MVB12B: variants seen among roughly 807,000 people sequenced by gnomAD.
MVB12B encodes multivesicular body subunit 12B, also known as ESCRT-I complex subunit MVB12B.
Under a neutral mutation model 41.6 loss-of-function variants are expected in MVB12B, and 16 were observed. The ratio of observed to expected loss-of-function variants is 0.38; its 90% CI spans 0.26 to 0.58. MVB12B has a LOEUF of 0.58. Among genes scored for constraint, MVB12B ranks in the 20% least tolerant of loss-of-function variants. The pLI is 0.62. For synonymous variants in MVB12B, 133 were observed against 139.7 expected, an observed-to-expected ratio of 0.95 and a Z score of 0.34; for missense variants, 274 against 380.2, an observed-to-expected ratio of 0.72 and a Z score of 2.32.
At chr9:126,484,058 G>A in intron 9 of MVB12B, 26 bp downstream of exon 9, 1 of 1,608,796 alleles carries the variant, frequency 6.2e-7, no homozygotes, top group Non-Finnish European at 8.5e-7. Flanking sequence ...GGGGAGGGGA[G>A]GGCAGGCCTG....
intron 2 of MVB12B, among the ~76,000 whole-genome samples, chr9:126,347,225 C>T (rs150024916): frequency 4.9e-4 from 74 of 152,308 alleles, no homozygotes; most frequent in Non-Finnish European, 7.1e-4. Flanking sequence ...AGAGGGGCAC[C>T]GGGTCATGTT....
chr9:126,502,110 A>G (rs144748028), intron 9 of MVB12B, among the ~76,000 whole-genome samples: 150 of 152,330 alleles, frequency 9.8e-4, no homozygotes, highest in Non-Finnish European at 1.7e-3. Context: ...AACTTTTCAA[A>G]TAAATACTTC....
At chr9:126,358,890 C>T (rs769842665) in intron 2 of MVB12B, among the ~76,000 whole-genome samples, 59 of 152,076 alleles carry the variant, frequency 3.9e-4, no homozygotes, top group Non-Finnish European at 6.9e-4. Flanking sequence ...GGAAAGCATT[C>T]GGTGTTTCAC....
intron 7 of MVB12B, among the ~76,000 whole-genome samples, chr9:126,474,100 G>A (rs1833376150): frequency 6.6e-6 from 1 of 152,178 alleles, no homozygotes; most frequent in Non-Finnish European, 1.5e-5. Flanking sequence ...GGTTGTGAGT[G>A]CAGACTGGTC....
In MVB12B at chr9:126,381,269, A is replaced by G. The variant is rs541514880; in HGVS notation, c.312+98A>G. 4 of 829,118 alleles carry G rather than the reference A, an allele frequency of 4.8e-6. No individual in the cohort carries two copies. The East Asian group carries it at 1.1e-4, about 22-fold the overall frequency. 51.4% of individuals were successfully genotyped at this position (829,118 alleles called of 1,614,324 possible). ...TTTGTTGTTGTTGTGGTTTATTTTC[A>G]TTGCCATATTAATTTATCTGTGGTT... On this transcript the variant is annotated intron_variant, in intron 3 of 9. Coordinates refer to ENST00000361171, the MANE Select transcript of MVB12B (RefSeq NM_033446.3).
chr9:126,415,818 GC>G (rs1342134628), intron 6 of MVB12B, among the ~76,000 whole-genome samples: 1 of 152,164 alleles, frequency 6.6e-6, no homozygotes, highest in African/African-American at 2.4e-5. Context: ...AAGTCAGACA[GC>G]CCGATAGAGT....
In MVB12B at chr9:126,455,913, C is replaced by T. The variant is rs186333163; in HGVS notation, c.758-25456C>T. On this transcript the variant is annotated intron_variant, in intron 7 of 9. Coordinates refer to ENST00000361171, the MANE Select transcript of MVB12B (RefSeq NM_033446.3). ...TTTTTTTTTTTTTTTTTTTTTGAGA[C>T]GGAGTCTTGCTCTTTTGCCCAGGCT... Among the ~76,000 whole-genome samples, 170 of 99,656 alleles carry T rather than the reference C, an allele frequency of 1.7e-3. 4 individuals carry two copies. The East Asian group carries it at 0.02, about 12-fold the overall frequency. 65.4% of individuals were successfully genotyped at this position (99,656 alleles called of 152,430 possible).
At chr9:126,440,597 G>A (rs1051927005) in intron 7 of MVB12B, among the ~76,000 whole-genome samples, 3 of 152,080 alleles carry the variant, frequency 2.0e-5, no homozygotes, top group African/African-American at 4.8e-5. Context: ...CCTCACACGC[G>A]TGAAACAGTT....
At chr9:126,327,768 C>T (rs67125625) in intron 1 of MVB12B, among the ~76,000 whole-genome samples, 7,682 of 152,276 alleles carry the variant, frequency 0.05, 274 homozygotes, top group South Asian at 0.13. Context: ...GCCCTTCTCA[C>T]CATGAAAGAT....
In MVB12B at chr9:126,376,613, G is replaced by C. The variant is rs1210750624; in HGVS notation, c.205-4451G>C. 7.8e-7 allele frequency: 1 copy of C among 1,289,396 alleles called. No homozygotes were observed. Among genetic ancestry groups the C allele is most frequent in the South Asian group, 1.2e-5 (1 of 81,026 alleles). 79.9% of individuals were successfully genotyped at this position (1,289,396 alleles called of 1,614,324 possible). A position where few individuals can be genotyped will look rare whatever the true frequency, so the allele number is the denominator to read the frequency against. On this transcript the variant is annotated intron_variant, in intron 2 of 9. Coordinates refer to ENST00000361171, the MANE Select transcript of MVB12B (RefSeq NM_033446.3). This position sits in a 1 kb window ranked among gnomAD's most constrained non-coding sequence, Gnocchi z 4.1. ...TGTCCAGTGTTCAGGGGAGGCGGCT[G>C]GAAGCAAGAAGGAGGGTAAGCGCGG... is the stretch of plus-strand genomic sequence containing the variant.
intron 9 of MVB12B, among the ~76,000 whole-genome samples, chr9:126,500,504 C>A (rs550022720): frequency 6.6e-6 from 1 of 152,228 alleles, no homozygotes; most frequent in East Asian, 1.9e-4. Flanking sequence ...TCGTAGAATT[C>A]TCTAAACTGA....
intron 7 of MVB12B, among the ~76,000 whole-genome samples, chr9:126,469,996 T>C (rs1444494518): frequency 6.6e-6 from 1 of 152,262 alleles, no homozygotes; most frequent in African/African-American, 2.4e-5. Context: ...TGGACTGCTA[T>C]GATGTTTAAA....
chr9:126,469,664 G>T (rs1339373242), intron 7 of MVB12B, among the ~76,000 whole-genome samples: 8 of 152,200 alleles, frequency 5.3e-5, no homozygotes, highest in African/African-American at 1.9e-4. Context: ...GCTACTAGTG[G>T]TAACGTATCT....
At chr9:126,398,610 T>G (rs1404581788) in intron 6 of MVB12B, among the ~76,000 whole-genome samples, 1 of 152,238 alleles carries the variant, frequency 6.6e-6, no homozygotes, top group Non-Finnish European at 1.5e-5. Context: ...CCACGTCCAG[T>G]GCGGTCTTTG....
intron 7 of MVB12B, among the ~76,000 whole-genome samples, chr9:126,456,305 G>A (rs898077004): frequency 2.0e-5 from 3 of 152,044 alleles, no homozygotes; most frequent in Non-Finnish European, 4.4e-5. Context: ...TAGCTCTTTC[G>A]CACACGATTT....
chr9:126,487,785 A>T (rs988176734), intron 9 of MVB12B, among the ~76,000 whole-genome samples: 1 of 150,702 alleles, frequency 6.6e-6, no homozygotes, highest in South Asian at 2.1e-4. Context: ...AAAAAAAAAT[A>T]ACAAAACAGG....
At position 126,367,974 on chromosome 9, in the gene MVB12B, CT is replaced by C. The variant is rs1830229944; in HGVS notation, c.205-13089del. Among the ~76,000 whole-genome samples, 1 of 152,160 alleles carries C rather than the reference CT, an allele frequency of 6.6e-6. No homozygotes were observed. Among genetic ancestry groups the C allele is most frequent in the Non-Finnish European group, 1.5e-5 (1 of 68,030 alleles). On this transcript the variant is annotated intron_variant, in intron 2 of 9. Transcript: ENST00000361171. The surrounding 1 kb of genome is among the most constrained non-coding windows in gnomAD (Gnocchi z 4.3). ...TGAAAGAAAAGGAAAGACTTGTGTC[CT>C]GAAGAGATGAATTGCAGCTTAGTGA...
intron 9 of MVB12B, among the ~76,000 whole-genome samples, chr9:126,499,462 G>T (rs1192236531): frequency 6.6e-6 from 1 of 152,196 alleles, no homozygotes; most frequent in Non-Finnish European, 1.5e-5. Context: ...TTTGCTGTTT[G>T]TTCGCAAGTG....
At chr9:126,462,173 TAAC>T (rs1387756196) in intron 7 of MVB12B, among the ~76,000 whole-genome samples, 1 of 152,236 alleles carries the variant, frequency 6.6e-6, no homozygotes, top group Non-Finnish European at 1.5e-5. Context: ...TTTGAATAAA[TAAC>T]AAGTTGAACT....
Sources: allele counts gnomAD v4.1 joint callset (sites outside exome capture counted in the v4.1 genomes callset), GRCh38; gene constraint gnomAD v4.1.1; non-coding constraint Gnocchi (gnomAD v3.1); transcripts MANE v1.5; gene names NCBI Gene and HGNC (gene_info 2026-07-23, HGNC 2026-07-21).